Variants in ARHGEF3 observed in about 807,000 individuals in gnomAD.
The protein encoded by ARHGEF3 is 59.8 kDA protein.
A neutral mutation model predicts 63.2 loss-of-function variants in ARHGEF3; 28 were observed. The observed-to-expected ratio is 0.44, with a 90% CI of 0.33 to 0.61. The LOEUF is 0.61. Among genes scored for constraint, ARHGEF3 ranks in the 20% least tolerant of loss-of-function variants. ARHGEF3 has a pLI of 0.03. For synonymous variants in ARHGEF3, 266 were observed against 254.2 expected (o/e 1.05, Z -0.44); for missense variants, 533 against 659.3 (o/e 0.81, Z 2.10).
chr3:56,920,573 G>A (rs1031006318), intron 3 of ARHGEF3, among the ~76,000 whole-genome samples: 2 of 152,168 alleles, frequency 1.3e-5, no homozygotes, highest in South Asian at 2.1e-4. Flanking sequence ...GGCAAGCAAC[G>A]ATGATTCTTT....
chr3:57,024,555 T>G (rs192893393), intron 2 of ARHGEF3, among the ~76,000 whole-genome samples: 1 of 152,320 alleles, frequency 6.6e-6, no homozygotes, highest in African/African-American at 2.4e-5. Flanking sequence ...TGGTGCGATC[T>G]CGGCTCACTG....
At chr3:56,837,085 C>T (rs1559980897) in intron 4 of ARHGEF3, among the ~76,000 whole-genome samples, 1 of 152,148 alleles carries the variant, frequency 6.6e-6, no homozygotes, top group Non-Finnish European at 1.5e-5. Flanking sequence ...AGAAAGTACA[C>T]TTTATTTGAT....
At chr3:56,926,622 C>T (rs114106582) in intron 3 of ARHGEF3, among the ~76,000 whole-genome samples, 2,895 of 152,312 alleles carry the variant, frequency 0.019, 85 homozygotes, top group African/African-American at 0.063. Flanking sequence ...AGGAGTTAAA[C>T]ACAGCCATTC....
At chr3:56,789,464 T>G (rs2036976894) in intron 1 of ARHGEF3, among the ~76,000 whole-genome samples, 1 of 152,370 alleles carries the variant, frequency 6.6e-6, no homozygotes, top group African/African-American at 2.4e-5. Flanking sequence ...TTGGCTAACG[T>G]AGCACAGATT....
At chr3:56,764,362 T>C (rs1455885426) in intron 2 of ARHGEF3, among the ~76,000 whole-genome samples, 1 of 152,170 alleles carries the variant, frequency 6.6e-6, no homozygotes, top group Non-Finnish European at 1.5e-5. Flanking sequence ...ATGGAAATGA[T>C]GACTCTCCCT....
intron 1 of ARHGEF3, among the ~76,000 whole-genome samples, chr3:56,782,261 A>G (rs998590917): frequency 6.6e-6 from 1 of 152,188 alleles, no homozygotes; most frequent in East Asian, 1.9e-4. Flanking sequence ...CCAAATCCCA[A>G]CGGAAACCTG....
At chr3:56,841,753 T>C (rs192264282) in intron 4 of ARHGEF3, among the ~76,000 whole-genome samples, 4 of 152,228 alleles carry the variant, frequency 2.6e-5, no homozygotes, top group Admixed American at 1.3e-4. Context: ...TGATTTGAAA[T>C]AGGTAATTCC....
intron 2 of ARHGEF3, among the ~76,000 whole-genome samples, chr3:56,986,394 A>G (rs1701537736): frequency 6.6e-6 from 1 of 152,174 alleles, no homozygotes; most frequent in South Asian, 2.1e-4. Context: ...TAACACATAC[A>G]AAGTCTGGGG....
intron 3 of ARHGEF3, among the ~76,000 whole-genome samples, chr3:56,897,100 G>A (rs773093001): frequency 2.6e-5 from 4 of 152,156 alleles, no homozygotes; most frequent in Non-Finnish European, 4.4e-5. Flanking sequence ...GGAGGGAAGA[G>A]CTTTCCATTC....
chr3:56,787,718 GATAATA>G (rs58762340), intron 1 of ARHGEF3, among the ~76,000 whole-genome samples: 1 of 150,796 alleles, frequency 6.6e-6, no homozygotes, highest in Non-Finnish European at 1.5e-5. Flanking sequence ...AACTTCCTCT[GATAATA>G]ATAATAATAA....
chr3:56,732,381 C>T lies in ARHGEF3; in HGVS notation c.1085G>A (p.Arg362Gln), dbSNP rs540207645. The T allele has an allele frequency of 1.4e-5, 22 of 1,613,910 alleles. No homozygotes were observed. Among genetic ancestry groups the T allele is most frequent in the African/African-American group, 1.2e-4 (9 of 74,862 alleles). Reference protein sequence around the residue: ...FLFQEVLVITRAVTHNEQLCY... With the variant: ...FLFQEVLVITQAVTHNEQLCY... ...AAGCTGCTCATTGTGGGTGACGGCT[C>T]GAGTGATCACAAGCACTTCTTGGAA... The change falls in exon 9 of 10, where the codon CGA (arginine) becomes CAA (glutamine). Residue 362 changes from arginine to glutamine, a missense_variant. Around this residue, in one of 4 missense-constraint regions of ARHGEF3, gnomAD observed 151 missense variants for 190.7 expected, o/e 0.79. Transcript: ENST00000296315.
intron 2 of ARHGEF3, among the ~76,000 whole-genome samples, chr3:57,005,287 C>T (rs922132662): frequency 1.5e-4 from 23 of 152,300 alleles, no homozygotes; most frequent in African/African-American, 5.5e-4. Context: ...TAGGTACTAA[C>T]ATTTATCCCC....
At chr3:57,068,534 G>A (rs2107384627) in intron 1 of ARHGEF3, among the ~76,000 whole-genome samples, 1 of 152,280 alleles carries the variant, frequency 6.6e-6, no homozygotes, top group Non-Finnish European at 1.5e-5. Context: ...GCGAGGCCCT[G>A]CCCAGCCCAG....
chr3:56,774,789 C>T (rs183488905), intron 1 of ARHGEF3, among the ~76,000 whole-genome samples: 2 of 152,122 alleles, frequency 1.3e-5, no homozygotes, highest in Non-Finnish European at 2.9e-5. Flanking sequence ...ATCCCAGCTA[C>T]TCGGGAGGCG....
At chr3:56,857,008 T>C (rs765027088) in intron 4 of ARHGEF3, among the ~76,000 whole-genome samples, 66 of 152,198 alleles carry the variant, frequency 4.3e-4, no homozygotes, top group Non-Finnish European at 8.1e-4. Flanking sequence ...CCATGGGCCA[T>C]ATTTCTTCAG....
intron 2 of ARHGEF3, among the ~76,000 whole-genome samples, chr3:56,757,533 G>C (rs1320876280): frequency 6.6e-6 from 1 of 152,118 alleles, no homozygotes; most frequent in South Asian, 2.1e-4. Context: ...ACAATTCAGA[G>C]ATAATTTAAA....
chr3:56,913,664 T>C (rs750155553), intron 3 of ARHGEF3, among the ~76,000 whole-genome samples: 2 of 152,104 alleles, frequency 1.3e-5, no homozygotes, highest in Non-Finnish European at 2.9e-5. Context: ...GGGTATATAC[T>C]CAAAAAAACT....
chr3:56,913,171 AC>A (rs1436314074), intron 3 of ARHGEF3, among the ~76,000 whole-genome samples: 3 of 20,004 alleles, frequency 1.5e-4, no homozygotes, highest in African/African-American at 2.8e-4. Context: ...AACAACAACA[AC>A]AAAAAAAACT....
intron 1 of ARHGEF3, among the ~76,000 whole-genome samples, chr3:57,046,224 T>C (rs1422762020): frequency 6.6e-6 from 1 of 152,206 alleles, no homozygotes; most frequent in African/African-American, 2.4e-5. Flanking sequence ...GATGTGCACA[T>C]TGTTATCCAC....
Sources: allele counts gnomAD v4.1 joint callset (sites outside exome capture counted in the v4.1 genomes callset), GRCh38; gene constraint gnomAD v4.1.1; regional missense constraint gnomAD v4.1.1; transcripts MANE v1.5; gene names NCBI Gene and HGNC (gene_info 2026-07-23, HGNC 2026-07-21).